Variants in MERTK observed in about 807,000 individuals in gnomAD.
The protein encoded by MERTK is MER proto-oncogene, tyrosine kinase.
Under a neutral mutation model 99.3 loss-of-function variants are expected in MERTK, and 69 were observed. The ratio of observed to expected loss-of-function variants is 0.70; its 90% CI spans 0.57 to 0.85. The LOEUF (loss-of-function observed/expected upper bound fraction) is 0.85, where lower values mean the gene tolerates loss of function less well. Among genes scored for constraint, MERTK ranks in the 40% least tolerant of loss-of-function variants. The pLI, the probability that MERTK is intolerant of heterozygous loss-of-function variation, is 0.00. For synonymous variants in MERTK, 426 were observed against 467.6 expected (o/e 0.91, Z 1.15); for missense variants, 1,125 against 1,249.4 (o/e 0.90, Z 1.50).
At chr2:111,912,753 A>T (rs1030960861) in intron 1 of MERTK, among the ~76,000 whole-genome samples, 1 of 152,170 alleles carries the variant, frequency 6.6e-6, no homozygotes, top group East Asian at 1.9e-4. Flanking sequence ...ACTCATGCTT[A>T]TCATTCAGTG....
intron 2 of MERTK, among the ~76,000 whole-genome samples, chr2:111,944,621 C>T (rs1386424919): frequency 5.3e-4 from 1 of 1,876 alleles, no homozygotes; most frequent in Non-Finnish European, 7.1e-4. Flanking sequence ...AGTCTTGAGT[C>T]CTCAGGCAGT....
intron 11 of MERTK, among the ~76,000 whole-genome samples, 167 bp from the exon 12 acceptor site, chr2:112,002,925 G>T (rs1011548165): frequency 6.6e-6 from 1 of 152,126 alleles, no homozygotes; most frequent in East Asian, 1.9e-4. Flanking sequence ...GTGAGCCAAG[G>T]TTGCACCATT....
chr2:111,956,272 A>G (rs996779060), intron 4 of MERTK, among the ~76,000 whole-genome samples: 1 of 152,182 alleles, frequency 6.6e-6, no homozygotes, highest in Non-Finnish European at 1.5e-5. Flanking sequence ...GTTTCAGTGA[A>G]ATAATGAATG....
chr2:111,968,122 T>TGTG lies in MERTK; in HGVS notation c.845-15_845-14insGTG. ...TTGTGTGTGTATGTGTGTGTGTGTG[T>TGTG]TTTGTTTTATGCAGCAATTCCCTCC... On this transcript the variant is annotated splice_polypyrimidine_tract_variant and intron_variant, in intron 5 of 18. Transcript: ENST00000295408. The TGTG allele has an allele frequency of 1.3e-6, 2 of 1,565,066 alleles. No homozygotes were observed. The highest frequency in any genetic ancestry group is 1.8e-6 in the Non-Finnish European group (2 of 1,136,394).
In MERTK at chr2:111,964,807, A is replaced by G. The variant is rs147275042; in HGVS notation, c.758-384A>G. Among the ~76,000 whole-genome samples, 830 of 152,344 alleles carry G rather than the reference A, an allele frequency of 5.4e-3. 9 individuals are homozygous for G. Among genetic ancestry groups the G allele is most frequent in the African/African-American group, 0.019 (801 of 41,570 alleles). ...TTTGCTATTTCTGGTATTCTGAAAT[A>G]TGCATAGCATAGTGGCCCTGTATGT... On this transcript the variant is annotated intron_variant, in intron 4 of 18. Coordinates refer to ENST00000295408, the MANE Select transcript of MERTK (RefSeq NM_006343.3).
rs201320082 is a variant in MERTK at position 111,925,275 on chromosome 2, G to GATATATATAT, written c.62-3836_62-3827dup. On this transcript the variant is annotated intron_variant, in intron 1 of 18. Transcript: ENST00000295408. ...CTGGTAAATCAAATTGTACAGATCA[G>GATATATATAT]ATATATATATATATATATTTTTTTT... Among the ~76,000 whole-genome samples the GATATATATAT allele has an allele frequency of 1.6e-3, 85 of 52,172 alleles. 3 individuals are homozygous for GATATATATAT. Among genetic ancestry groups the GATATATATAT allele is most frequent in the Admixed American group, 4.9e-3 (16 of 3,248 alleles). 34.2% of individuals were successfully genotyped at this position (52,172 alleles called of 152,430 possible).
chr2:112,007,323 T>C (rs1402109264), intron 13 of MERTK, among the ~76,000 whole-genome samples: 1 of 152,036 alleles, frequency 6.6e-6, no homozygotes, highest in Non-Finnish European at 1.5e-5. Context: ...CCCGCCTAAT[T>C]TTTTGTATTT....
intron 6 of MERTK, among the ~76,000 whole-genome samples, chr2:111,973,739 G>T (rs1429054898): frequency 6.6e-6 from 1 of 152,054 alleles, no homozygotes; most frequent in Non-Finnish European, 1.5e-5. Context: ...ATGTAATGGA[G>T]AACAAAATCC....
chr2:111,971,620 T>C (rs1676121538), intron 6 of MERTK, among the ~76,000 whole-genome samples: 1 of 152,194 alleles, frequency 6.6e-6, no homozygotes, highest in South Asian at 2.1e-4. Flanking sequence ...TTTCCCAAAT[T>C]TTCTTCCTTT....
intron 1 of MERTK, among the ~76,000 whole-genome samples, chr2:111,900,369 C>G (rs113253619): frequency 1.8e-3 from 272 of 152,324 alleles, no homozygotes; most frequent in African/African-American, 6.3e-3. Flanking sequence ...TCCACTGCCC[C>G]TCCCTCCACC....
intron 1 of MERTK, among the ~76,000 whole-genome samples, chr2:111,922,884 G>C (rs1684490910): frequency 6.6e-6 from 1 of 152,202 alleles, no homozygotes; most frequent in South Asian, 2.1e-4. Flanking sequence ...TTGAGGGTAG[G>C]ATGCACTAGT....
chr2:111,899,331 A>T lies in MERTK; in HGVS notation c.61+535A>T, dbSNP rs2311812. Among the ~76,000 whole-genome samples the T allele has an allele frequency of 2.6e-4, 40 of 151,970 alleles. No individual in the cohort carries two copies. The East Asian group carries it at 7.8e-3, about 30-fold the overall frequency. On this transcript the variant is annotated intron_variant, in intron 1 of 18. Transcript: ENST00000295408. ...ATAGACTGAGGCCGAGCGACGGGCC[A>T]GGGGGGGACGGCAGTCCTGGCTGCT...
intron 1 of MERTK, among the ~76,000 whole-genome samples, chr2:111,912,815 C>T (rs1252907808): frequency 6.6e-6 from 1 of 152,154 alleles, no homozygotes; most frequent in Non-Finnish European, 1.5e-5. Context: ...TCAGTTCAAC[C>T]CTCAGAACCA....
intron 6 of MERTK, among the ~76,000 whole-genome samples, chr2:111,968,960 T>C (rs1676019027): frequency 6.6e-6 from 1 of 152,184 alleles, no homozygotes. Flanking sequence ...CAGGACAAGA[T>C]AGGTCGTCTG....
intron 1 of MERTK, among the ~76,000 whole-genome samples, chr2:111,906,221 C>T (rs565494215): frequency 1.2e-3 from 190 of 152,288 alleles, no homozygotes; most frequent in African/African-American, 4.1e-3. Flanking sequence ...CTGACAGGTC[C>T]CCTTTTTTGT....
intron 18 of MERTK, among the ~76,000 whole-genome samples, chr2:112,027,004 G>A (rs1677477266): frequency 6.6e-6 from 1 of 152,112 alleles, no homozygotes; most frequent in South Asian, 2.1e-4. Context: ...AAAATGAAAT[G>A]ATGCCTAGGC....
intron 1 of MERTK, among the ~76,000 whole-genome samples, chr2:111,920,602 CTGTT>C (rs1362403925): frequency 3.5e-4 from 51 of 147,218 alleles, no homozygotes; most frequent in Non-Finnish European, 5.6e-4. Context: ...TGTTGCTACT[CTGTT>C]TGTTTGTTTT....
chr2:112,011,172 G>A (rs1301226577), intron 15 of MERTK, among the ~76,000 whole-genome samples: 1 of 152,168 alleles, frequency 6.6e-6, no homozygotes, highest in Admixed American at 6.5e-5. Flanking sequence ...CTGCATCAGC[G>A]ATGGCTCCAG....
At chr2:112,018,340 A>G (rs1573645066) in intron 15 of MERTK, among the ~76,000 whole-genome samples, 1 of 152,238 alleles carries the variant, frequency 6.6e-6, no homozygotes, top group South Asian at 2.1e-4. Flanking sequence ...GCAAGATGCA[A>G]TATTTCTTAT....
Sources: gnomAD v4.1 joint callset for allele counts (sites outside exome capture counted in the v4.1 genomes callset) on GRCh38, gnomAD v4.1.1 for gene constraint, MANE v1.5 for transcripts, NCBI Gene and HGNC (gene_info 2026-07-23, HGNC 2026-07-21) for gene names.